Variants in TPCN1 observed in about 807,000 individuals in gnomAD.
TPCN1 encodes the protein two pore channel protein 1.
A neutral mutation model predicts 108.8 loss-of-function variants in TPCN1; 52 were observed. The ratio of observed to expected loss-of-function variants is 0.48; its 90% CI spans 0.38 to 0.60. TPCN1 has a LOEUF of 0.60. Ranked by LOEUF, TPCN1 falls within the 20% of genes least tolerant of loss-of-function variation. The pLI, the probability that TPCN1 is intolerant of heterozygous loss-of-function variation, is 0.00. For synonymous variants in TPCN1, 446 were observed against 433.7 expected (o/e 1.03, Z -0.35); for missense variants, 806 against 1,072.8 (o/e 0.75, Z 3.47).
chr12:113,244,120 T>C (rs1954254529), intron 2 of TPCN1: 1 of 175,892 alleles, frequency 5.7e-6, no homozygotes, highest in Non-Finnish European at 1.1e-5. Flanking sequence ...TCTCTGGACT[T>C]GGCCACTTAG....
intron 2 of TPCN1, among the ~76,000 whole-genome samples, chr12:113,248,590 G>A (rs1018584471): frequency 6.6e-6 from 1 of 152,214 alleles, no homozygotes; most frequent in Non-Finnish European, 1.5e-5. Flanking sequence ...GATCGGGGAG[G>A]CAGAGGCCCC....
chr12:113,276,808 C>G (rs889487786), intron 10 of TPCN1, 111 bp from the exon 11 acceptor site: 2 of 758,744 alleles, frequency 2.6e-6, no homozygotes, highest in Non-Finnish European at 4.6e-6. Flanking sequence ...CAGGGCCTCT[C>G]TGGGGTGACT....
rs375083631 is a variant in TPCN1 at position 113,265,368 on chromosome 12, C to T, written c.238-812C>T. 7.4e-4 allele frequency among the ~76,000 whole-genome samples: 112 copies of T among 152,184 alleles called. 2 individuals carry two copies. In the South Asian group the frequency reaches 0.023, roughly 31 times the overall value. On this transcript the variant is annotated intron_variant, in intron 3 of 27. Transcript: ENST00000335509. ...AAGCTCAGCCTCAAGGGTGAAGGAA[C>T]CTTCCCAGCATTCCTCAGGGAAGGA...
chr12:113,289,981 G>A lies in TPCN1; in HGVS notation c.1797-147G>A. On this transcript the variant is annotated intron_variant, in intron 21 of 27. Coordinates refer to ENST00000335509, the MANE Select transcript of TPCN1 (RefSeq NM_017901.6). The surrounding 1 kb of genome is among the most constrained non-coding windows in gnomAD (Gnocchi z 4.1). ...TCCTTCAGCAGGGACCCAGGCATGAGGTGGAGAGGGTTAGGCAGGAAACCA... is the reference window on the plus strand; with the variant it reads ...TCCTTCAGCAGGGACCCAGGCATGAAGTGGAGAGGGTTAGGCAGGAAACCA... 1.7e-6 allele frequency: 1 copy of A among 592,950 alleles called. No individual in the cohort carries two copies. The highest frequency in any genetic ancestry group is 2.0e-5 in the South Asian group (1 of 48,872). 36.7% of individuals were successfully genotyped at this position (592,950 alleles called of 1,614,324 possible). A position where few individuals can be genotyped will look rare whatever the true frequency, so the allele number is the denominator to read the frequency against.
At chr12:113,275,104 G>A (rs1955627331) in intron 10 of TPCN1, among the ~76,000 whole-genome samples, 1 of 152,210 alleles carries the variant, frequency 6.6e-6, no homozygotes, top group Non-Finnish European at 1.5e-5. Flanking sequence ...CTAACGGGGA[G>A]AGGCTTCCGA....
chr12:113,282,699 G>A (rs1401194843), intron 15 of TPCN1, among the ~76,000 whole-genome samples: 1 of 151,554 alleles, frequency 6.6e-6, no homozygotes, highest in Non-Finnish European at 1.5e-5. Flanking sequence ...TGAGGCTGCA[G>A]TGTGCCATGA....
chr12:113,290,281 G>T, intron 22 of TPCN1, 38 bp downstream of exon 22: 1 of 1,424,212 alleles, frequency 7.0e-7, no homozygotes, highest in South Asian at 1.2e-5. Context: ...ATTCCCTGGG[G>T]ACCCCACCCT....
chr12:113,253,337 T>C (rs1954719176), intron 2 of TPCN1, among the ~76,000 whole-genome samples: 1 of 152,240 alleles, frequency 6.6e-6, no homozygotes, highest in Admixed American at 6.5e-5. Context: ...TGTATTTAGA[T>C]AGGTGTCAGT....
chr12:113,295,688 G>A (rs1314388715), intron 27 of TPCN1, among the ~76,000 whole-genome samples: 1 of 152,126 alleles, frequency 6.6e-6, no homozygotes, highest in African/African-American at 2.4e-5. Flanking sequence ...ACAAACAAGG[G>A]GTGAGGGTTG....
intron 3 of TPCN1, 32 bp downstream of exon 3, chr12:113,260,524 T>C: frequency 1.3e-6 from 2 of 1,550,452 alleles, no homozygotes; most frequent in Non-Finnish European, 1.7e-6. Flanking sequence ...CTGGCAGTTG[T>C]CTGCACCTGT....
chr12:113,260,547 G>T, intron 3 of TPCN1, 55 bp downstream of exon 3: 1 of 1,539,238 alleles, frequency 6.5e-7, no homozygotes, highest in East Asian at 2.6e-5. Context: ...GTGGGGTGGG[G>T]CAGCCAAGAC....
intron 2 of TPCN1, among the ~76,000 whole-genome samples, chr12:113,256,410 T>C (rs1334537821): frequency 6.6e-6 from 1 of 152,100 alleles, no homozygotes; most frequent in Non-Finnish European, 1.5e-5. Flanking sequence ...AATTCTAAAG[T>C]TTATATGGAA....
chr12:113,257,396 C>T (rs1399389821), intron 2 of TPCN1, among the ~76,000 whole-genome samples: 1 of 151,596 alleles, frequency 6.6e-6, no homozygotes, highest in Non-Finnish European at 1.5e-5. Context: ...GAGGCTGAGG[C>T]AGGAGGATCA....
chr12:113,244,511 G>T lies in TPCN1; in HGVS notation c.113-15857G>T, dbSNP rs185803578. On this transcript the variant is annotated intron_variant, in intron 2 of 27. Transcript: ENST00000335509. Reference sequence around the variant, plus strand: ...GATGTGCATTTTGCTTTCTTTCGGCGTAGCATCTCATGCTAGATTTTTATC... The same window carrying T: ...GATGTGCATTTTGCTTTCTTTCGGCTTAGCATCTCATGCTAGATTTTTATC... The T allele has an allele frequency of 1.6e-5, 16 of 985,310 alleles. No individual in the cohort carries two copies. The African/African-American group carries it at 2.6e-4, about 16-fold the overall frequency. 61.0% of individuals were successfully genotyped at this position (985,310 alleles called of 1,614,324 possible).
chr12:113,239,955 A>C (rs1954044214), intron 2 of TPCN1, among the ~76,000 whole-genome samples: 1 of 151,962 alleles, frequency 6.6e-6, no homozygotes, highest in Admixed American at 6.6e-5. Flanking sequence ...GAGCTGCTCC[A>C]AGCTGCCGGC....
chr12:113,239,135 G>C (rs958327143), intron 2 of TPCN1, among the ~76,000 whole-genome samples: 1 of 152,132 alleles, frequency 6.6e-6, no homozygotes, highest in African/African-American at 2.4e-5. Context: ...CCTGTCTCTA[G>C]AAATACATAT....
In TPCN1 at chr12:113,273,763, G is replaced by A; in HGVS notation, c.942+95G>A. On this transcript the variant is annotated intron_variant, in intron 10 of 27. Transcript: ENST00000335509. This position sits in a 1 kb window ranked among gnomAD's most constrained non-coding sequence, Gnocchi z 4.0. ...AGTGGAGAAGTGGGGACTGTCTTCT[G>A]CCTCTCAGGGCAGAACGTTGGGGCA... 1.0e-6 allele frequency: 1 copy of A among 998,010 alleles called. No homozygotes were observed. Among genetic ancestry groups the A allele is most frequent in the Non-Finnish European group, 1.6e-6 (1 of 626,878 alleles). 61.8% of individuals were successfully genotyped at this position (998,010 alleles called of 1,614,324 possible).
chr12:113,263,339 C>T (rs938532051), intron 3 of TPCN1, among the ~76,000 whole-genome samples: 1 of 152,204 alleles, frequency 6.6e-6, no homozygotes, highest in Non-Finnish European at 1.5e-5. Context: ...CCTTGGCTCG[C>T]TGCAACCTCC....
intron 1 of TPCN1, among the ~76,000 whole-genome samples, chr12:113,224,586 C>T (rs952546363): frequency 3.2e-4 from 48 of 151,798 alleles, no homozygotes; most frequent in South Asian, 2.1e-4. Flanking sequence ...TTAGTAGAGA[C>T]GGGGTTTCAC....
Sources: gnomAD v4.1 joint callset for allele counts (sites outside exome capture counted in the v4.1 genomes callset) on GRCh38, gnomAD v4.1.1 for gene constraint, Gnocchi (gnomAD v3.1) non-coding constraint, MANE v1.5 for transcripts, NCBI Gene and HGNC (gene_info 2026-07-23, HGNC 2026-07-21) for gene names.